The following ZNF90 variants were observed in gnomAD, a reference collection of about 807,000 sequenced individuals.
ZNF90 encodes zinc finger protein HTF9.
A neutral mutation model predicts 12.0 loss-of-function variants in ZNF90; 11 were observed. The ratio of observed to expected loss-of-function variants is 0.92; its 90% CI spans 0.58 to 1.52. The LOEUF (loss-of-function observed/expected upper bound fraction) is 1.52. ZNF90 is among the 40% of genes most tolerant of loss of function. The pLI is 0.00. For synonymous variants in ZNF90, 232 were observed against 240.1 expected, an observed-to-expected ratio of 0.97 and a Z score of 0.31; for missense variants, 765 against 711.5, an observed-to-expected ratio of 1.08 and a Z score of -0.86.
At chr19:20,093,536 G>A (rs1016219855) in intron 1 of ZNF90, among the ~76,000 whole-genome samples, 2 of 152,062 alleles carry the variant, frequency 1.3e-5, no homozygotes, top group Non-Finnish European at 2.9e-5. Flanking sequence ...AATGAGATGT[G>A]GCTGTAGTCC....
intron 2 of ZNF90, 37 bp downstream of exon 2, chr19:20,104,402 C>T: frequency 6.4e-7 from 1 of 1,552,800 alleles, no homozygotes. Flanking sequence ...ATAATATACC[C>T]TAAAGGTTGT....
In ZNF90 at chr19:20,078,049, C is replaced by T; in HGVS notation, c.-84C>T. ...GCTCCAAATCTGGTCTTAGCTGCTT[C>T]GTGTCTTCTTCTCCAGCCTCTGTGG... On this transcript the variant is annotated 5_prime_UTR_variant, in exon 1 of 4. Coordinates refer to ENST00000418063, the MANE Select transcript of ZNF90 (RefSeq NM_007138.2). 4 of 1,583,922 alleles carry T rather than the reference C, an allele frequency of 2.5e-6. No homozygotes were observed. Among genetic ancestry groups the T allele is most frequent in the East Asian group, 2.2e-5 (1 of 44,680 alleles).
At chr19:20,114,131 A>G (rs1162709909) in intron 3 of ZNF90, among the ~76,000 whole-genome samples, 1 of 152,138 alleles carries the variant, frequency 6.6e-6, no homozygotes, top group African/African-American at 2.4e-5. Flanking sequence ...TCTCTACTAT[A>G]ATACAAAAAA....
chr19:20,090,720 G>T (rs148630351), intron 1 of ZNF90, among the ~76,000 whole-genome samples: 1 of 152,282 alleles, frequency 6.6e-6, no homozygotes, highest in African/African-American at 2.4e-5. Context: ...TCACCTAGAG[G>T]GCTGGTGTCT....
chr19:20,096,731 G>C (rs1455191789), intron 1 of ZNF90, among the ~76,000 whole-genome samples: 1 of 152,136 alleles, frequency 6.6e-6, no homozygotes, highest in African/African-American at 2.4e-5. Context: ...GGGCATATAC[G>C]TGCAGGTCAC....
intron 1 of ZNF90, among the ~76,000 whole-genome samples, chr19:20,083,912 G>A (rs1470662166): frequency 6.6e-6 from 1 of 151,926 alleles, no homozygotes; most frequent in Non-Finnish European, 1.5e-5. Context: ...ACCACCCCTG[G>A]CCAATTTTTC....
At position 20,120,281 on chromosome 19, in the gene ZNF90, T is replaced by A. The variant is rs1391155878; in HGVS notation, c.*921T>A. Among the ~76,000 whole-genome samples the A allele has an allele frequency of 4.6e-5, 7 of 152,212 alleles. No homozygotes were observed. Among genetic ancestry groups the A allele is most frequent in the Admixed American group, 3.3e-4 (5 of 15,280 alleles). ...TCACAGTTAATGAAAGCATTTAAAG[T>A]GCAATTATGCTCAAGAAATCTTTCA... On this transcript the variant is annotated 3_prime_UTR_variant, in exon 4 of 4. Transcript: ENST00000418063.
At chr19:20,116,292 C>A (rs1555705653) in intron 3 of ZNF90, among the ~76,000 whole-genome samples, 1 of 152,106 alleles carries the variant, frequency 6.6e-6, no homozygotes, top group African/African-American at 2.4e-5. Context: ...GTGTCAGCCT[C>A]CCAAGCAGCT....
intron 1 of ZNF90, among the ~76,000 whole-genome samples, chr19:20,094,410 G>A (rs140272806): frequency 0.01 from 1,547 of 152,324 alleles, 27 homozygotes; most frequent in African/African-American, 0.035. Flanking sequence ...GCGGTAAAGC[G>A]TCTAAGGGTT....
Position 20,082,836 on chromosome 19 carries a change from T to C in ZNF90, c.3+4701T>C, listed in dbSNP as rs920473892. Among the ~76,000 whole-genome samples, 10 of 152,220 alleles carry C rather than the reference T, an allele frequency of 6.6e-5. 1 individual carries two copies. Among genetic ancestry groups the C allele is most frequent in the Non-Finnish European group, 1.5e-4 (10 of 68,038 alleles). ...AGATAAGAGGAAGGCATCTGTCTCC[T>C]GCTCCTCCCTGGGCAATGGAATGTC... On this transcript the variant is annotated intron_variant, in intron 1 of 3. Transcript: ENST00000418063.
chr19:20,082,654 C>T (rs926404391), intron 1 of ZNF90, among the ~76,000 whole-genome samples: 4 of 152,170 alleles, frequency 2.6e-5, no homozygotes, highest in Non-Finnish European at 5.9e-5. Context: ...GGGACCTCTG[C>T]CTAGGAAAGC....
At chr19:20,117,228 C>G (rs908867224) in intron 3 of ZNF90, among the ~76,000 whole-genome samples, 1 of 151,852 alleles carries the variant, frequency 6.6e-6, no homozygotes, top group Non-Finnish European at 1.5e-5. Flanking sequence ...ATTTTTAGTA[C>G]AGATGGGGTT....
intron 1 of ZNF90, among the ~76,000 whole-genome samples, chr19:20,094,923 G>A (rs1277642711): frequency 1.3e-5 from 2 of 152,206 alleles, no homozygotes; most frequent in East Asian, 3.8e-4. Context: ...TGGGCAGGTG[G>A]GGAAGAGCTA....
intron 3 of ZNF90, among the ~76,000 whole-genome samples, chr19:20,117,199 T>G (rs1355657754): frequency 1.3e-5 from 2 of 151,950 alleles, no homozygotes; most frequent in African/African-American, 4.8e-5. Context: ...CCTGTTACCA[T>G]GCCTGGCTAA....
At chr19:20,096,890 A>G (rs145967862) in intron 1 of ZNF90, among the ~76,000 whole-genome samples, 2 of 152,176 alleles carry the variant, frequency 1.3e-5, no homozygotes, top group Non-Finnish European at 2.9e-5. Context: ...CCTTTTTTGT[A>G]GCAGAGTGAA....
intron 1 of ZNF90, among the ~76,000 whole-genome samples, chr19:20,088,650 C>CT (rs2088878593): frequency 6.6e-6 from 1 of 152,112 alleles, no homozygotes; most frequent in Non-Finnish European, 1.5e-5. Flanking sequence ...CAGGGTCCTC[C>CT]TTTTTCAGCA....
intron 3 of ZNF90, among the ~76,000 whole-genome samples, chr19:20,105,977 A>G: frequency 6.7e-6 from 1 of 150,154 alleles, no homozygotes; most frequent in East Asian, 1.9e-4. Context: ...CACTTGAATA[A>G]TATTTATTCT....
chr19:20,112,643 A>G (rs1313514663), intron 3 of ZNF90, among the ~76,000 whole-genome samples: 3 of 152,174 alleles, frequency 2.0e-5, no homozygotes, highest in African/African-American at 7.2e-5. Flanking sequence ...ATCTTGTAGG[A>G]CTGCGCAAAT....
rs1356340763 is a variant in ZNF90 at position 20,120,045 on chromosome 19, AATCCTTTAT to A, written c.*688_*696del. ...CCTAGAAATAATAGAAAATTTGACA[AATCCTTTAT>A]ATGGTTGCAAGACTTGATTGTAGGT... is the stretch of plus-strand genomic sequence containing the variant. On this transcript the variant is annotated 3_prime_UTR_variant, in exon 4 of 4. Transcript: ENST00000418063. Among the ~76,000 whole-genome samples, 2 of 152,178 alleles carry A rather than the reference AATCCTTTAT, an allele frequency of 1.3e-5. No individual in the cohort carries two copies. Among genetic ancestry groups the A allele is most frequent in the Admixed American group, 6.5e-5 (1 of 15,286 alleles).
Sources: gnomAD v4.1 joint callset for allele counts (sites outside exome capture counted in the v4.1 genomes callset) on GRCh38, gnomAD v4.1.1 for gene constraint, MANE v1.5 for transcripts, NCBI Gene and HGNC (gene_info 2026-07-23, HGNC 2026-07-21) for gene names.